The following EPS8 variants were observed in gnomAD, a reference collection of about 807,000 sequenced individuals.
EPS8 encodes EGFR pathway substrate 8, signaling adaptor.
A neutral mutation model predicts 103.8 loss-of-function variants in EPS8; 42 were observed. The ratio of observed to expected loss-of-function variants is 0.40; its 90% CI spans 0.32 to 0.52. The LOEUF is 0.52. Among genes scored for constraint, EPS8 ranks in the 20% least tolerant of loss-of-function variants. EPS8 has a pLI of 0.40. For missense variants in EPS8, 969 were observed against 1,005.1 expected (o/e 0.96, Z 0.49); for synonymous variants, 344 against 344.6 (o/e 1.00, Z 0.02).
At chr12:15,637,395 T>C (rs754929610) in intron 17 of EPS8, among the ~76,000 whole-genome samples, 50 of 152,320 alleles carry the variant, frequency 3.3e-4, no homozygotes, top group Non-Finnish European at 5.9e-4. Flanking sequence ...GGATCCAGAG[T>C]GCTGGGGCCC....
Position 15,733,291 on chromosome 12 carries a change from G to A in EPS8, c.-21-50319C>T, listed in dbSNP as rs1482604584. 2.6e-5 allele frequency among the ~76,000 whole-genome samples: 4 copies of A among 152,202 alleles called. No homozygotes were observed. The highest frequency in any genetic ancestry group is 4.4e-5 in the Non-Finnish European group (3 of 68,042). The stretch of plus-strand genomic sequence containing the variant: ...CCCGTCTAACAGGTGAGAGGGGACA[G>A]TGTGTGAAGGAGGAACTGTCAAACA... On this transcript the variant is annotated intron_variant, in intron 1 of 20. Transcript: ENST00000281172. This position sits in a 1 kb window ranked among gnomAD's most constrained non-coding sequence, Gnocchi z 4.8.
chr12:15,692,739 A>AT (rs200234679), intron 1 of EPS8, among the ~76,000 whole-genome samples: 599 of 150,198 alleles, frequency 4.0e-3, no homozygotes, highest in African/African-American at 0.013. Context: ...TCATTTTGTA[A>AT]TTTTTTTTTC....
chr12:15,679,858 A>C (rs1165463243), intron 3 of EPS8, among the ~76,000 whole-genome samples: 2 of 152,214 alleles, frequency 1.3e-5, no homozygotes, highest in African/African-American at 4.8e-5. Flanking sequence ...TACTGCACTT[A>C]ATAAATATCT....
intron 3 of EPS8, among the ~76,000 whole-genome samples, chr12:15,679,048 T>G (rs1264063305): frequency 6.6e-6 from 1 of 152,156 alleles, no homozygotes; most frequent in East Asian, 1.9e-4. Context: ...CTTTCTTAGC[T>G]CTCTGAAATT....
rs200071644 is a variant in EPS8, at chr12:15,734,085, C to T, written c.-21-51113G>A. On this transcript the variant is annotated intron_variant, in intron 1 of 20. Transcript: ENST00000281172. This position sits in a 1 kb window ranked among gnomAD's most constrained non-coding sequence, Gnocchi z 4.1. ...AAACTCCTGAGCTCAAGTAATCCTC[C>T]CATCTCAGCCTCCCCAAAGTTCTGG... Among the ~76,000 whole-genome samples the T allele has an allele frequency of 2.6e-5, 4 of 152,066 alleles. No individual in the cohort carries two copies. In the East Asian group the frequency reaches 7.7e-4, roughly 29 times the overall value.
rs4763431 is a variant in EPS8 at position 15,714,041 on chromosome 12, G to A, written c.-21-31069C>T. On this transcript the variant is annotated intron_variant, in intron 1 of 20. Transcript: ENST00000281172. This position sits in a 1 kb window ranked among gnomAD's most constrained non-coding sequence, Gnocchi z 4.1. The stretch of plus-strand genomic sequence containing the variant: ...CAAAACTATTTTAAAGTGATGAGAG[G>A]TAAACAAGGCCCCACGGGATTTCTT... Among the ~76,000 whole-genome samples, 143,555 of 152,186 alleles carry A rather than the reference G, an allele frequency of 0.94. 68,268 individuals carry two copies. Among genetic ancestry groups the A allele is most frequent in the East Asian group, 1 (5,170 of 5,170 alleles).
In EPS8 at chr12:15,697,567, A is replaced by C. The variant is rs1172066695; in HGVS notation, c.-21-14595T>G. Among the ~76,000 whole-genome samples the C allele has an allele frequency of 6.6e-6, 1 of 152,210 alleles. No individual in the cohort carries two copies. Among genetic ancestry groups the C allele is most frequent in the Non-Finnish European group, 1.5e-5 (1 of 68,030 alleles). On this transcript the variant is annotated intron_variant, in intron 1 of 20. Coordinates refer to ENST00000281172, the MANE Select transcript of EPS8 (RefSeq NM_004447.6). This position sits in a 1 kb window ranked among gnomAD's most constrained non-coding sequence, Gnocchi z 5.6. Reference sequence around the variant, plus strand: ...AGTTTAATAACATGTTCACTGTCAAAGAGGTAATTAATAGTAGATGTGGGA... The same window carrying C: ...AGTTTAATAACATGTTCACTGTCAACGAGGTAATTAATAGTAGATGTGGGA...
Position 15,776,765 on chromosome 12 carries a change from T to C in EPS8, c.-22+12396A>G, listed in dbSNP as rs1419579041. ...ATGGCTGATGGGTTCTTGAGAATTT[T>C]AGCGTTTCCCCTTTTGCTACCGCCA... On this transcript the variant is annotated intron_variant, in intron 1 of 20. Coordinates refer to ENST00000281172, the MANE Select transcript of EPS8 (RefSeq NM_004447.6). The surrounding 1 kb of genome is among the most constrained non-coding windows in gnomAD (Gnocchi z 4.2). Among the ~76,000 whole-genome samples, 2 of 152,210 alleles carry C rather than the reference T, an allele frequency of 1.3e-5. No individual in the cohort carries two copies. Among genetic ancestry groups the C allele is most frequent in the Non-Finnish European group, 2.9e-5 (2 of 68,026 alleles).
Position 15,623,297 on chromosome 12 carries a change from A to T in EPS8, c.2226-10T>A. Reference sequence around the variant, plus strand: ...AAGACTATTGACAGTCCTAAAAAAAAAAAAAGGAAAAAGAAACTGAGCATT... The same window carrying T: ...AAGACTATTGACAGTCCTAAAAAAATAAAAAGGAAAAAGAAACTGAGCATT... On this transcript the variant is annotated splice_polypyrimidine_tract_variant and intron_variant, in intron 19 of 20. Coordinates refer to ENST00000281172, the MANE Select transcript of EPS8 (RefSeq NM_004447.6). 4 of 1,578,524 alleles carry T rather than the reference A, an allele frequency of 2.5e-6. No individual in the cohort carries two copies. The highest frequency in any genetic ancestry group is 3.4e-6 in the Non-Finnish European group (4 of 1,169,866).
At position 15,662,029 on chromosome 12, in the gene EPS8, A is replaced by G; in HGVS notation, c.807T>C (p.Asp269=). The G allele has an allele frequency of 6.2e-7, 1 of 1,613,040 alleles. No individual in the cohort carries two copies. Among genetic ancestry groups the G allele is most frequent in the Non-Finnish European group, 8.5e-7 (1 of 1,179,020 alleles). The change falls in exon 9 of 21, where the codon GAT becomes GAC. Residue 269 remains aspartate (D), a synonymous_variant. Coordinates refer to ENST00000281172, the MANE Select transcript of EPS8 (RefSeq NM_004447.6). ...TAAAGGCGACTCCTGTACTTACCAC[A>G]TCTCTGTCAATGCGGGCTGCCATCA... ...PEMMAARIDR[D]VQILNHILDD... is the part of the protein sequence containing the mutation.
chr12:15,696,866 G>C lies in EPS8; in HGVS notation c.-21-13894C>G, dbSNP rs1036627082. On this transcript the variant is annotated intron_variant, in intron 1 of 20. Coordinates refer to ENST00000281172, the MANE Select transcript of EPS8 (RefSeq NM_004447.6). The surrounding 1 kb of genome is among the most constrained non-coding windows in gnomAD (Gnocchi z 4.8). ...ACCACTTTATAGTGAATTAATAAGT[G>C]AAAAAAGGTGTTTGGATTAGCAGGG... Among the ~76,000 whole-genome samples, 1 of 152,028 alleles carries C rather than the reference G, an allele frequency of 6.6e-6. No homozygotes were observed. The highest frequency in any genetic ancestry group is 2.4e-5 in the African/African-American group (1 of 41,402).
At position 15,747,795 on chromosome 12, in the gene EPS8, C is replaced by T. The variant is rs1002253238; in HGVS notation, c.-22+41366G>A. 6.6e-6 allele frequency among the ~76,000 whole-genome samples: 1 copy of T among 152,144 alleles called. No homozygotes were observed. The highest frequency in any genetic ancestry group is 1.9e-4 in the East Asian group (1 of 5,182). On this transcript the variant is annotated intron_variant, in intron 1 of 20. Transcript: ENST00000281172. This position sits in a 1 kb window ranked among gnomAD's most constrained non-coding sequence, Gnocchi z 4.4. ...CAGCACTTTGGGAGGCCGAGGTGGG[C>T]GGATCACGAGGTCAGGAGATCGAGA...
rs1397564304 is a variant in EPS8 at position 15,698,415 on chromosome 12, A to C, written c.-21-15443T>G. 6.6e-6 allele frequency among the ~76,000 whole-genome samples: 1 copy of C among 152,112 alleles called. No homozygotes were observed. The highest frequency in any genetic ancestry group is 1.5e-5 in the Non-Finnish European group (1 of 68,010). On this transcript the variant is annotated intron_variant, in intron 1 of 20. Transcript: ENST00000281172. The surrounding 1 kb of genome is among the most constrained non-coding windows in gnomAD (Gnocchi z 4.9). Reference sequence around the variant, plus strand: ...ACAAGCAGTGTCAACTAGACTCCCCAACCCCCGCTCTTTAAGTTAACCTCA... The same window carrying C: ...ACAAGCAGTGTCAACTAGACTCCCCCACCCCCGCTCTTTAAGTTAACCTCA...
In EPS8 at chr12:15,789,176, G is replaced by C. The variant is rs1173386503; in HGVS notation, c.-37C>G. 1 of 151,992 alleles carries C rather than the reference G, an allele frequency of 6.6e-6. No individual in the cohort carries two copies. 9.4% of individuals were successfully genotyped at this position (151,992 alleles called of 1,614,324 possible). A position where few individuals can be genotyped will look rare whatever the true frequency, so the allele number is the denominator to read the frequency against. Reference sequence around the variant, plus strand: ...GGGCTCTTACCTCGGATCCGCCCTCGGGGCCACGGCTTTCCCCGGAGACGC... The same window carrying C: ...GGGCTCTTACCTCGGATCCGCCCTCCGGGCCACGGCTTTCCCCGGAGACGC... On this transcript the variant is annotated 5_prime_UTR_variant, in exon 1 of 21. Coordinates refer to ENST00000281172, the MANE Select transcript of EPS8 (RefSeq NM_004447.6). This position sits in a 1 kb window ranked among gnomAD's most constrained non-coding sequence, Gnocchi z 6.1.
intron 18 of EPS8, among the ~76,000 whole-genome samples, chr12:15,630,774 C>G (rs1387148620): frequency 1.3e-5 from 2 of 152,140 alleles, no homozygotes; most frequent in African/African-American, 2.4e-5. Context: ...ACGTGTCATA[C>G]AGGGGTCAAA....
intron 13 of EPS8, 89 bp downstream of exon 13, chr12:15,654,056 C>T (rs774639111): frequency 1.1e-5 from 14 of 1,267,400 alleles, no homozygotes; most frequent in South Asian, 5.3e-5. Context: ...CTTAGTCCTT[C>T]GTATGTAGAA....
intron 1 of EPS8, among the ~76,000 whole-genome samples, chr12:15,708,123 G>T (rs894431224): frequency 7.9e-5 from 12 of 152,152 alleles, no homozygotes; most frequent in African/African-American, 2.9e-4. Flanking sequence ...AATAACACAA[G>T]TGAAAGCTAC....
rs561218027 is a variant in EPS8 at position 15,787,475 on chromosome 12, A to T, written c.-22+1686T>A. On this transcript the variant is annotated intron_variant, in intron 1 of 20. Transcript: ENST00000281172. This position sits in a 1 kb window ranked among gnomAD's most constrained non-coding sequence, Gnocchi z 4.9. ...TAGGTTCCTGACAGGAAACAAAAGA[A>T]ACATCACCCTATTAAGAGTGGGGCT... 6.6e-6 allele frequency among the ~76,000 whole-genome samples: 1 copy of T among 152,364 alleles called. No individual in the cohort carries two copies. The highest frequency in any genetic ancestry group is 2.1e-4 in the South Asian group (1 of 4,828).
At chr12:15,766,484 G>A (rs976654028) in intron 1 of EPS8, among the ~76,000 whole-genome samples, 1 of 146,676 alleles carries the variant, frequency 6.8e-6, no homozygotes, top group African/African-American at 2.6e-5. Context: ...GTGACAGAGC[G>A]AGACTCCATC....
Sources: gnomAD v4.1 joint callset for allele counts (sites outside exome capture counted in the v4.1 genomes callset) on GRCh38, gnomAD v4.1.1 for gene constraint, Gnocchi (gnomAD v3.1) non-coding constraint, MANE v1.5 for transcripts, NCBI Gene and HGNC (gene_info 2026-07-23, HGNC 2026-07-21) for gene names.